Variants in KPNA3 observed in about 807,000 individuals in gnomAD.
KPNA3 encodes the protein karyopherin subunit alpha 3, also known as importin subunit alpha-4.
In KPNA3, 13 loss-of-function variants were observed where a neutral mutation model predicts 73.8. That is an observed-to-expected ratio of 0.18 (90% CI 0.11 to 0.28). The LOEUF (loss-of-function observed/expected upper bound fraction) is 0.28, where lower values mean the gene tolerates loss of function less well. KPNA3 is among the 10% of genes least tolerant of loss of function. The probability of loss-of-function intolerance (pLI) is 1.00; values close to 1 mark genes in which losing one functional copy is unlikely to be tolerated. For missense variants in KPNA3, 360 were observed against 618.1 expected (o/e 0.58, Z 4.43); for synonymous variants, 186 against 206.9 (o/e 0.90, Z 0.87).
Position 49,725,403 on chromosome 13 carries a change from G to C in KPNA3, c.469+13C>G. ...AAAACACAAAAAGTTCAGACAGTAA[G>C]GAATTTACTTACTAGACTGCACAAC... On this transcript the variant is annotated intron_variant, in intron 7 of 16. Transcript: ENST00000261667. 6.5e-7 allele frequency: 1 copy of C among 1,543,896 alleles called. No homozygotes were observed. The highest frequency in any genetic ancestry group is 8.8e-7 in the Non-Finnish European group (1 of 1,131,796).
chr13:49,701,840 T>C lies in KPNA3; in HGVS notation c.1526A>G (p.Asp509Gly). The C allele has an allele frequency of 6.2e-7, 1 of 1,613,484 alleles. No homozygotes were observed. The highest frequency in any genetic ancestry group is 1.1e-5 in the South Asian group (1 of 91,062). ...TTTTGTTTGAAGGTTGGCTGTTGGA[T>C]CAAAATTGTAGGTACCTCCTTGTGT... ...EATQGGTYNF[D>G]PTANLQTKEF... The change falls in exon 17 of 17, where the codon GAT becomes GGT. Residue 509 changes from aspartate (D) to glycine (G), a missense_variant. By Grantham distance (94) the Asp-to-Gly change is moderately conservative. This residue lies in a region of KPNA3 where 38 missense variants were observed against 39.0 expected (regional missense o/e 0.98). Coordinates refer to ENST00000261667, the MANE Select transcript of KPNA3 (RefSeq NM_002267.4).
intron 1 of KPNA3, among the ~76,000 whole-genome samples, chr13:49,791,875 C>CAGGGGAG (rs1288637446): frequency 1.3e-3 from 191 of 152,342 alleles, no homozygotes; most frequent in African/African-American, 4.5e-3. Flanking sequence ...CCTCCCCCAT[C>CAGGGGAG]GATCACCCTC....
intron 1 of KPNA3, among the ~76,000 whole-genome samples, chr13:49,780,102 A>G (rs1954928933): frequency 6.6e-6 from 1 of 151,856 alleles, no homozygotes; most frequent in Non-Finnish European, 1.5e-5. Flanking sequence ...CTATATTATC[A>G]TCTTACTCTA....
intron 6 of KPNA3, among the ~76,000 whole-genome samples, chr13:49,730,196 T>C (rs567354489): frequency 1.3e-5 from 2 of 152,042 alleles, no homozygotes; most frequent in African/African-American, 4.8e-5. Flanking sequence ...TATAAAAGAC[T>C]GGAAAGAAAA....
chr13:49,780,360 A>T (rs1954931389), intron 1 of KPNA3, among the ~76,000 whole-genome samples: 1 of 152,172 alleles, frequency 6.6e-6, no homozygotes, highest in South Asian at 2.1e-4. Context: ...TCTTTACAAA[A>T]AACTTGCCAA....
chr13:49,786,989 C>G (rs994006463), intron 1 of KPNA3, among the ~76,000 whole-genome samples: 1 of 152,078 alleles, frequency 6.6e-6, no homozygotes, highest in Non-Finnish European at 1.5e-5. Context: ...GTAACAGGTA[C>G]AAACATGAGG....
intron 1 of KPNA3, among the ~76,000 whole-genome samples, chr13:49,761,572 A>C (rs1181957645): frequency 6.8e-6 from 1 of 146,398 alleles, no homozygotes; most frequent in Non-Finnish European, 1.5e-5. Context: ...GTGCAGTGGC[A>C]TGATCTCGGC....
rs1954184573 is a variant in KPNA3, at chr13:49,704,439, AAATAAATAAATAAAT to A, written c.1372+1167_1372+1181del. 4.9e-3 allele frequency among the ~76,000 whole-genome samples: 12 copies of A among 2,464 alleles called. No homozygotes were observed. In the Admixed American group the frequency reaches 0.08, roughly 16 times the overall value. 1.6% of individuals were successfully genotyped at this position (2,464 alleles called of 152,430 possible). On this transcript the variant is annotated intron_variant, in intron 15 of 16. Transcript: ENST00000261667. ...AAAAAAAAATAAATAAATAAAAAAT[AAATAAATAAATAAAT>A]AAATAAATAAATAAATAAATAAATA...
intron 1 of KPNA3, among the ~76,000 whole-genome samples, chr13:49,767,379 A>G (rs1954817302): frequency 6.6e-6 from 1 of 150,804 alleles, no homozygotes; most frequent in South Asian, 2.1e-4. Flanking sequence ...ACGCCACTGC[A>G]CTCCAGCCTG....
chr13:49,785,679 A>C (rs1043679951), intron 1 of KPNA3, among the ~76,000 whole-genome samples: 1 of 152,204 alleles, frequency 6.6e-6, no homozygotes, highest in Admixed American at 6.5e-5. Flanking sequence ...GGTAGGAAGA[A>C]GACTTACCAA....
chr13:49,737,971 C>T (rs9596187), intron 2 of KPNA3, among the ~76,000 whole-genome samples: 64,539 of 151,582 alleles, frequency 0.43, 14,191 homozygotes, highest in South Asian at 0.59. Flanking sequence ...GCTTTCGTGG[C>T]CAAATATAGC....
chr13:49,703,458 G>C (rs1026819034), intron 15 of KPNA3, among the ~76,000 whole-genome samples: 2 of 152,152 alleles, frequency 1.3e-5, no homozygotes, highest in Non-Finnish European at 2.9e-5. Context: ...GGGATTACAG[G>C]AGTGAGCCAC....
At chr13:49,702,015 A>C in intron 16 of KPNA3, 117 bp from the exon 17 acceptor site, 1 of 649,204 alleles carries the variant, frequency 1.5e-6, no homozygotes, top group Non-Finnish European at 2.7e-6. Flanking sequence ...TAACCAACTA[A>C]AAATATTCGA....
Position 49,748,845 on chromosome 13 carries a change from G to GA in KPNA3, c.70-1853dup, listed in dbSNP as rs558899939. ...GTGACTTTAGTACTATTAATACAGA[G>GA]AATGTCTTACGCATAAGTTCATAAA... On this transcript the variant is annotated intron_variant, in intron 1 of 16. Transcript: ENST00000261667. 2.4e-3 allele frequency among the ~76,000 whole-genome samples: 367 copies of GA among 152,146 alleles called. 3 individuals are homozygous for GA. Among genetic ancestry groups the GA allele is most frequent in the African/African-American group, 8.4e-3 (347 of 41,542 alleles).
At chr13:49,789,531 CAT>C (rs1210605891) in intron 1 of KPNA3, among the ~76,000 whole-genome samples, 16 of 152,252 alleles carry the variant, frequency 1.1e-4, no homozygotes, top group African/African-American at 3.8e-4. Flanking sequence ...TAATTTATAA[CAT>C]GTTTTAGTTT....
intron 6 of KPNA3, 101 bp from the exon 7 acceptor site, chr13:49,725,602 G>A: frequency 1.5e-6 from 1 of 654,224 alleles, no homozygotes; most frequent in Non-Finnish European, 2.4e-6. Flanking sequence ...CCTTGTCCTT[G>A]AATTTCACCT....
chr13:49,753,026 CAAAAAAAAAAAAAAA>C (rs71078888), intron 1 of KPNA3, among the ~76,000 whole-genome samples: 11 of 82,208 alleles, frequency 1.3e-4, no homozygotes, highest in South Asian at 5.7e-4. Context: ...GACTCTGTCT[CAAAAAAAAAAAAAAA>C]AAAAAAAAAA....
At chr13:49,777,860 AC>A (rs1339020488) in intron 1 of KPNA3, among the ~76,000 whole-genome samples, 1 of 151,994 alleles carries the variant, frequency 6.6e-6, no homozygotes. Flanking sequence ...ATATGAGGAA[AC>A]CTTTATTCCA....
At chr13:49,727,460 A>G (rs971019284) in intron 6 of KPNA3, among the ~76,000 whole-genome samples, 10 of 151,876 alleles carry the variant, frequency 6.6e-5, no homozygotes, top group South Asian at 2.1e-4. Context: ...AAAAAAAAAA[A>G]AAAGAAAGAA....
Sources: allele counts gnomAD v4.1 joint callset (sites outside exome capture counted in the v4.1 genomes callset), GRCh38; gene constraint gnomAD v4.1.1; regional missense constraint gnomAD v4.1.1; transcripts MANE v1.5; gene names NCBI Gene and HGNC (gene_info 2026-07-23, HGNC 2026-07-21).